ANKS1B: variants seen among roughly 807,000 people sequenced by gnomAD.
The protein encoded by ANKS1B is ankyrin repeat and sterile alpha motif domain containing 1B.
Under a neutral mutation model 148.3 loss-of-function variants are expected in ANKS1B, and 36 were observed. The ratio of observed to expected loss-of-function variants is 0.24; its 90% CI spans 0.19 to 0.32. ANKS1B has a LOEUF of 0.32. Among genes scored for constraint, ANKS1B ranks in the 10% least tolerant of loss-of-function variants. ANKS1B has a pLI of 1.00. For synonymous variants in ANKS1B, 542 were observed against 560.8 expected (o/e 0.97, Z 0.47); for missense variants, 1,157 against 1,542.6 (o/e 0.75, Z 4.19).
intron 17 of ANKS1B, among the ~76,000 whole-genome samples, chr12:99,010,904 T>G (rs988738752): frequency 6.1e-5 from 9 of 148,258 alleles, no homozygotes; most frequent in African/African-American, 9.9e-5. Flanking sequence ...AGCTTTTGTT[T>G]TTTTTTTTTT....
At chr12:98,971,181 A>G (rs1226779308) in intron 17 of ANKS1B, among the ~76,000 whole-genome samples, 1 of 152,234 alleles carries the variant, frequency 6.6e-6, no homozygotes, top group Admixed American at 6.5e-5. Context: ...GATGTTAATG[A>G]CAAGTCTCTA....
chr12:99,497,164 A>G (rs1258086734), intron 10 of ANKS1B, among the ~76,000 whole-genome samples: 3 of 152,196 alleles, frequency 2.0e-5, no homozygotes, highest in East Asian at 3.8e-4. Context: ...CATATAACCT[A>G]TTCACATCCT....
rs577343943 is a variant in ANKS1B at position 99,458,940 on chromosome 12, C to T, written c.1439-15131G>A. Reference sequence around the variant, plus strand: ...GCCAGTATCACCATAATACCAAAACCAGGAAAGGACATAACATAAAAAGAA... The same window carrying T: ...GCCAGTATCACCATAATACCAAAACTAGGAAAGGACATAACATAAAAAGAA... On this transcript the variant is annotated intron_variant, in intron 10 of 26. Transcript: ENST00000683438. 2.9e-3 allele frequency among the ~76,000 whole-genome samples: 438 copies of T among 152,064 alleles called. 2 individuals carry two copies. Among genetic ancestry groups the T allele is most frequent in the Non-Finnish European group, 5.1e-3 (345 of 67,906 alleles).
At chr12:98,737,378 CT>C (rs1289856609) in intron 9 of ANKS1B, among the ~76,000 whole-genome samples, 1 of 152,236 alleles carries the variant, frequency 6.6e-6, no homozygotes, top group East Asian at 1.9e-4. Flanking sequence ...TTCACAAATT[CT>C]TTAAGATGAC....
intron 15 of ANKS1B, among the ~76,000 whole-genome samples, chr12:99,111,798 T>G (rs2153701405): frequency 6.6e-6 from 1 of 152,198 alleles, no homozygotes; most frequent in South Asian, 2.1e-4. Context: ...CCTGCTATGG[T>G]TACCATGGCA....
chr12:99,539,799 C>T (rs2097107704), intron 9 of ANKS1B, among the ~76,000 whole-genome samples: 1 of 152,052 alleles, frequency 6.6e-6, no homozygotes, highest in East Asian at 1.9e-4. Flanking sequence ...AAATTCCTGG[C>T]CTCAAGGGAT....
intron 16 of ANKS1B, among the ~76,000 whole-genome samples, chr12:99,053,813 A>G (rs1300865806): frequency 2.6e-5 from 4 of 152,230 alleles, no homozygotes; most frequent in African/African-American, 4.8e-5. Context: ...GGAGAAACAT[A>G]CTGCTGCGGT....
rs2095588220 is a variant in ANKS1B at position 99,443,750 on chromosome 12, T to G, written c.1498A>C (p.Thr500Pro). ...GGTGAACAATCAGGTGTTGGGCCTG[T>G]TGAGCTGTTTCTATGGTTACTAGTT... is the stretch of plus-strand genomic sequence containing the variant. ...PGTSNHRNSS[T>P]GPTPDCSPPS... Residue 500 changes from threonine to proline, a missense_variant, in exon 11 of 27, where the codon ACA (threonine) becomes CCA (proline). By Grantham distance (38) the Thr-to-Pro change is conservative. Around this residue, in one of 6 missense-constraint regions of ANKS1B, gnomAD observed 661 missense variants for 642.1 expected, o/e 1.03. Transcript: ENST00000683438. 2.5e-6 allele frequency: 4 copies of G among 1,612,276 alleles called. No homozygotes were observed. The highest frequency in any genetic ancestry group is 3.4e-6 in the Non-Finnish European group (4 of 1,178,834).
intron 12 of ANKS1B, among the ~76,000 whole-genome samples, chr12:99,358,567 T>C (rs1339650895): frequency 6.6e-6 from 1 of 152,092 alleles, no homozygotes; most frequent in Non-Finnish European, 1.5e-5. Flanking sequence ...CTCTACTACT[T>C]TCCATGGATA....
At chr12:99,176,024 T>G (rs1052016291) in intron 14 of ANKS1B, among the ~76,000 whole-genome samples, 1 of 152,066 alleles carries the variant, frequency 6.6e-6, no homozygotes, top group Non-Finnish European at 1.5e-5. Context: ...TTTTTTTGTA[T>G]TTTCAGTAGA....
chr12:99,705,609 G>A (rs778595117), intron 8 of ANKS1B, among the ~76,000 whole-genome samples: 24 of 152,234 alleles, frequency 1.6e-4, no homozygotes, highest in Non-Finnish European at 2.6e-4. Context: ...AAGCAAGAGT[G>A]AGGACAGAAT....
intron 8 of ANKS1B, among the ~76,000 whole-genome samples, chr12:99,709,263 G>A (rs191195623): frequency 1.3e-3 from 198 of 152,216 alleles, no homozygotes; most frequent in Non-Finnish European, 1.9e-3. Context: ...CTGTACTCAT[G>A]GAATGATTCA....
At chr12:99,791,533 T>G (rs2065653236) in intron 4 of ANKS1B, among the ~76,000 whole-genome samples, 1 of 151,906 alleles carries the variant, frequency 6.6e-6, no homozygotes, top group Non-Finnish European at 1.5e-5. Context: ...TAAACATTTT[T>G]TAAAAATGAA....
At chr12:99,068,635 GTGAT>G (rs1169567173) in intron 16 of ANKS1B, among the ~76,000 whole-genome samples, 1 of 151,672 alleles carries the variant, frequency 6.6e-6, no homozygotes, top group African/African-American at 2.4e-5. Flanking sequence ...GGTGAAGTAA[GTGAT>G]TGTATGTGTG....
rs541527818 is a variant in ANKS1B, at chr12:99,625,400, TA to T, written c.1272+29666del. 3.3e-5 allele frequency among the ~76,000 whole-genome samples: 5 copies of T among 152,220 alleles called. No individual in the cohort carries two copies. In the South Asian group the frequency reaches 1.0e-3, roughly 32 times the overall value. ...GACTCTAAAATAAAAATAGAAATTTTAAAAAAACTGTACATAGCACCTATCA... is the reference window on the plus strand; with the variant it reads ...GACTCTAAAATAAAAATAGAAATTTTAAAAAACTGTACATAGCACCTATCA... On this transcript the variant is annotated intron_variant, in intron 9 of 26. Coordinates refer to ENST00000683438, the MANE Select transcript of ANKS1B (RefSeq NM_001352186.2).
At chr12:99,982,722 A>T (rs2095721002) in intron 1 of ANKS1B, among the ~76,000 whole-genome samples, 1 of 152,218 alleles carries the variant, frequency 6.6e-6, no homozygotes, top group South Asian at 2.1e-4. Flanking sequence ...TTAACAAGGG[A>T]GTACACACAA....
At chr12:99,726,218 T>C (rs558751680) in intron 8 of ANKS1B, among the ~76,000 whole-genome samples, 15 of 151,216 alleles carry the variant, frequency 9.9e-5, no homozygotes, top group Admixed American at 2.6e-4. Flanking sequence ...TTTGAAAAAA[T>C]TAACAAAATA....
chr12:99,651,933 CAAATATACTATATATA>C (rs2098422234), intron 9 of ANKS1B, among the ~76,000 whole-genome samples: 1 of 151,262 alleles, frequency 6.6e-6, no homozygotes, highest in African/African-American at 2.4e-5. Flanking sequence ...TATATATGTA[CAAATATACTATATATA>C]CACAAAAATA....
At chr12:99,014,452 C>T (rs1199908496) in intron 17 of ANKS1B, among the ~76,000 whole-genome samples, 2 of 152,112 alleles carry the variant, frequency 1.3e-5, no homozygotes, top group Non-Finnish European at 2.9e-5. Context: ...CCATTCAGGA[C>T]ATAGGCATGG....
Sources: allele counts gnomAD v4.1 joint callset (sites outside exome capture counted in the v4.1 genomes callset), GRCh38; gene constraint gnomAD v4.1.1; regional missense constraint gnomAD v4.1.1; transcripts MANE v1.5; gene names NCBI Gene and HGNC (gene_info 2026-07-23, HGNC 2026-07-21).